Variants in TBC1D9B observed in about 807,000 individuals in gnomAD.
TBC1D9B encodes the protein TBC1 domain family, member 9B (with GRAM domain).
A neutral mutation model predicts 121.1 loss-of-function variants in TBC1D9B; 87 were observed. The ratio of observed to expected loss-of-function variants is 0.72; its 90% CI spans 0.60 to 0.86. The LOEUF (loss-of-function observed/expected upper bound fraction) is 0.86, where lower values mean the gene tolerates loss of function less well. Ranked by LOEUF, TBC1D9B falls within the 40% of genes least tolerant of loss-of-function variation. TBC1D9B has a pLI of 0.00. For synonymous variants in TBC1D9B, 668 were observed against 670.1 expected (o/e 1.00, Z 0.05); for missense variants, 1,540 against 1,628.6 (o/e 0.95, Z 0.94).
chr5:179,866,656 C>G (rs1760021543), intron 18 of TBC1D9B: 1 of 152,308 alleles, frequency 6.6e-6, no homozygotes, highest in African/African-American at 2.4e-5. Context: ...ACATGCCGCT[C>G]CCAGAAGCAT....
At chr5:179,900,155 G>A (rs1582105501) in intron 2 of TBC1D9B, among the ~76,000 whole-genome samples, 1 of 152,158 alleles carries the variant, frequency 6.6e-6, no homozygotes, top group East Asian at 1.9e-4. Flanking sequence ...GGGAGGCGGA[G>A]GCTACAGTGC....
chr5:179,864,254 A>G lies in TBC1D9B; in HGVS notation c.3022-126T>C, dbSNP rs1045099758. ...GGCTGCCGTCTTGCTAATCATCTCC[A>G]TGAGCCTCATCAGTCCCATCTCACA... On this transcript the variant is annotated intron_variant, in intron 20 of 20. Coordinates refer to ENST00000355235, the MANE Select transcript of TBC1D9B (RefSeq NM_015043.4). The G allele has an allele frequency of 6.2e-5, 58 of 937,448 alleles. 1 individual carries two copies. In the Admixed American group the frequency reaches 1.0e-3, roughly 17 times the overall value. The allele number at this position is 937,448 out of a possible 1,614,324, so 58.1% of individuals were successfully genotyped here.
chr5:179,881,547 T>C (rs1238131910), intron 7 of TBC1D9B, among the ~76,000 whole-genome samples: 3 of 152,214 alleles, frequency 2.0e-5, no homozygotes, highest in Non-Finnish European at 2.9e-5. Context: ...ATTCATCCAG[T>C]TGTACACCGT....
intron 9 of TBC1D9B, 128 bp from the exon 10 acceptor site, chr5:179,878,651 G>T (rs560124326): frequency 2.1e-6 from 2 of 945,666 alleles, no homozygotes; most frequent in East Asian, 2.6e-5. Flanking sequence ...CACAAGCTGC[G>T]AGGCAAGGTT....
At chr5:179,894,127 T>C (rs929449669) in intron 4 of TBC1D9B, among the ~76,000 whole-genome samples, 1 of 152,084 alleles carries the variant, frequency 6.6e-6, no homozygotes, top group African/African-American at 2.4e-5. Flanking sequence ...AATACGCCAG[T>C]TCAGCAGAAG....
intron 6 of TBC1D9B, 55 bp from the exon 7 acceptor site, chr5:179,888,367 G>A (rs535458586): frequency 1.3e-6 from 2 of 1,568,568 alleles, no homozygotes; most frequent in Non-Finnish European, 1.7e-6. Flanking sequence ...CTGCAGCTGG[G>A]CATGCTTTGT....
intron 2 of TBC1D9B, 152 bp from the exon 3 acceptor site, chr5:179,899,459 T>C: frequency 1.5e-6 from 1 of 670,520 alleles, no homozygotes; most frequent in Non-Finnish European, 2.6e-6. Context: ...AGCTGATGGA[T>C]ATGTGCATAA....
In TBC1D9B at chr5:179,907,251, G is replaced by A. The variant is rs1480960216; in HGVS notation, c.118+453C>T. On this transcript the variant is annotated intron_variant, in intron 1 of 20. Transcript: ENST00000355235. The surrounding 1 kb of genome is among the most constrained non-coding windows in gnomAD (Gnocchi z 5.3). ...TAAAAGGGCGATACTTTGGTGAGAT[G>A]GGCACGAAGAAGAGGGCAAAAGAAA... 6.6e-6 allele frequency among the ~76,000 whole-genome samples: 1 copy of A among 152,148 alleles called. No individual in the cohort carries two copies. The highest frequency in any genetic ancestry group is 6.5e-5 in the Admixed American group (1 of 15,288).
chr5:179,862,919 A>C lies in TBC1D9B; in HGVS notation c.*529T>G. 7.3e-6 allele frequency: 2 copies of C among 272,158 alleles called. No individual in the cohort carries two copies. The highest frequency in any genetic ancestry group is 7.6e-6 in the Non-Finnish European group (1 of 132,248). 16.9% of individuals were successfully genotyped at this position (272,158 alleles called of 1,614,324 possible). A position where few individuals can be genotyped will look rare whatever the true frequency, so the allele number is the denominator to read the frequency against. ...TGCGCAGCGCCCACTCTGTGCAATA[A>C]ACATGTTCTGCCCATGTTCCTCAGT... is the stretch of plus-strand genomic sequence containing the variant. On this transcript the variant is annotated 3_prime_UTR_variant, in exon 21 of 21. Coordinates refer to ENST00000355235, the MANE Select transcript of TBC1D9B (RefSeq NM_015043.4).
chr5:179,889,014 C>A (rs995672872), intron 6 of TBC1D9B, among the ~76,000 whole-genome samples: 1 of 150,078 alleles, frequency 6.7e-6, no homozygotes, highest in Non-Finnish European at 1.5e-5. Context: ...GTGAGCTGGG[C>A]AGTGGTGGAG....
At chr5:179,886,459 C>T (rs1005246946) in intron 7 of TBC1D9B, among the ~76,000 whole-genome samples, 4 of 152,182 alleles carry the variant, frequency 2.6e-5, no homozygotes, top group Admixed American at 2.0e-4. Flanking sequence ...ACCCTGTTCA[C>T]TGCCCCTGCC....
rs1744510500 is a variant in TBC1D9B, at chr5:179,885,075, G to A, written c.1254+3028C>T. On this transcript the variant is annotated intron_variant, in intron 7 of 20. Coordinates refer to ENST00000355235, the MANE Select transcript of TBC1D9B (RefSeq NM_015043.4). This position sits in a 1 kb window ranked among gnomAD's most constrained non-coding sequence, Gnocchi z 4.5. ...CTCGACTCCATCATCTTGTGCCCCT[G>A]CTTCTGTGATGGGCTCCAGCCGGCC... Among the ~76,000 whole-genome samples, 1 of 152,080 alleles carries A rather than the reference G, an allele frequency of 6.6e-6. No homozygotes were observed. The highest frequency in any genetic ancestry group is 6.6e-5 in the Admixed American group (1 of 15,266).
Position 179,863,781 on chromosome 5 carries a change from G to T in TBC1D9B, c.3369C>A (p.Ser1123=), listed in dbSNP as rs760631016. ...TGGTTTCATCGTCAGACAGCAGCTG[G>T]GAGGGTGAGCCCTGTCCCTCGCCGC... is the stretch of plus-strand genomic sequence containing the variant. ...GGSGEGQGSP[S]QLLSDDETKD... Residue 1123 remains serine, a synonymous_variant, in exon 21 of 21, where the codon TCC becomes TCA. Coordinates refer to ENST00000355235, the MANE Select transcript of TBC1D9B (RefSeq NM_015043.4). This position sits in a 1 kb window ranked among gnomAD's most constrained non-coding sequence, Gnocchi z 4.5. 4 of 1,613,600 alleles carry T rather than the reference G, an allele frequency of 2.5e-6. No homozygotes were observed. The Admixed American group carries it at 6.7e-5, about 27-fold the overall frequency.
At chr5:179,864,584 C>T (rs1317970177) in intron 20 of TBC1D9B, among the ~76,000 whole-genome samples, 1 of 143,138 alleles carries the variant, frequency 7.0e-6, no homozygotes, top group Admixed American at 7.0e-5. Context: ...GGAGGGGGAT[C>T]CTGGGGAGGG....
chr5:179,871,441 GC>G lies in TBC1D9B; in HGVS notation c.2484+20del. ...AGCTAGGAAGCTAGGAACGGGTCCTGCCCTGGCTCTGAGCTGTCACCTTAAA... is the reference window on the plus strand; with the variant it reads ...AGCTAGGAAGCTAGGAACGGGTCCTGCCTGGCTCTGAGCTGTCACCTTAAA... On this transcript the variant is annotated intron_variant, in intron 15 of 20. Transcript: ENST00000355235. 1 of 1,610,864 alleles carries G rather than the reference GC, an allele frequency of 6.2e-7. No homozygotes were observed. The highest frequency in any genetic ancestry group is 1.3e-5 in the African/African-American group (1 of 75,010).
intron 5 of TBC1D9B, among the ~76,000 whole-genome samples, chr5:179,892,916 T>A (rs998118525): frequency 2.6e-5 from 4 of 152,208 alleles, no homozygotes; most frequent in African/African-American, 9.6e-5. Context: ...AGCTTCCTTG[T>A]CTGATACCTA....
intron 2 of TBC1D9B, among the ~76,000 whole-genome samples, chr5:179,901,003 C>T (rs907989476): frequency 5.3e-5 from 8 of 152,206 alleles, no homozygotes; most frequent in Admixed American, 6.5e-5. Flanking sequence ...CCGCTCAAGG[C>T]TGTGTCACAG....
rs1445191483 is a variant in TBC1D9B at position 179,878,370 on chromosome 5, G to A, written c.1721C>T (p.Ala574Val). 6.2e-7 allele frequency: 1 copy of A among 1,613,890 alleles called. No individual in the cohort carries two copies. The highest frequency in any genetic ancestry group is 1.3e-5 in the African/African-American group (1 of 74,946). The part of the protein sequence containing the change: ...HPAFQNELGI[A>V]ALRRVLTAYA... Reference sequence around the variant, plus strand: ...GGCAGTCAGCACCCGCCGGAGGGCAGCAATCCCCAGCTCGTTCTGGAAGGC... The same window carrying A: ...GGCAGTCAGCACCCGCCGGAGGGCAACAATCCCCAGCTCGTTCTGGAAGGC... Residue 574 changes from alanine (A) to valine (V), a missense_variant, in exon 10 of 21, where the codon GCT becomes GTT. By Grantham distance (64) the Ala-to-Val change is moderately conservative. Coordinates refer to ENST00000355235, the MANE Select transcript of TBC1D9B (RefSeq NM_015043.4).
chr5:179,879,831 C>T, intron 7 of TBC1D9B, 42 bp from the exon 8 acceptor site: 1 of 1,555,168 alleles, frequency 6.4e-7, no homozygotes, highest in Non-Finnish European at 8.7e-7. Context: ...AACAACTGTG[C>T]TGCCAGGTGG....
Sources: allele counts gnomAD v4.1 joint callset (sites outside exome capture counted in the v4.1 genomes callset), GRCh38; gene constraint gnomAD v4.1.1; non-coding constraint Gnocchi (gnomAD v3.1); transcripts MANE v1.5; gene names NCBI Gene and HGNC (gene_info 2026-07-23, HGNC 2026-07-21).